NAV3: variants seen among roughly 807,000 people sequenced by gnomAD.
NAV3 encodes the protein pore membrane and/or filament interacting like protein 1.
Under a neutral mutation model 244.7 loss-of-function variants are expected in NAV3, and 87 were observed. That is an observed-to-expected ratio of 0.36 (90% confidence interval 0.30 to 0.42). NAV3 has a LOEUF of 0.42. NAV3 is among the 20% of genes least tolerant of loss of function. The pLI is 1.00. For missense variants in NAV3, 2,663 were observed against 2,893.3 expected (o/e 0.92, Z 1.83); for synonymous variants, 1,126 against 1,042.2 (o/e 1.08, Z -1.55).
chr12:77,965,536 T>A (rs1433434878), intron 3 of NAV3, among the ~76,000 whole-genome samples: 6 of 152,146 alleles, frequency 3.9e-5, no homozygotes. Context: ...GGAGAATCGC[T>A]TGAACCCGAG....
intron 9 of NAV3, among the ~76,000 whole-genome samples, chr12:78,033,925 T>C (rs1879417525): frequency 6.6e-6 from 1 of 152,162 alleles, no homozygotes; most frequent in African/African-American, 2.4e-5. Context: ...TCTTTTCCTT[T>C]GGTCATAAAA....
chr12:77,615,970 G>C (rs1328595158), intron 2 of NAV3, among the ~76,000 whole-genome samples: 1 of 152,126 alleles, frequency 6.6e-6, no homozygotes, highest in Non-Finnish European at 1.5e-5. Flanking sequence ...TAAAGCATCA[G>C]TGATTTCACT....
At chr12:77,872,875 T>G (rs1405547489) in intron 1 of NAV3, among the ~76,000 whole-genome samples, 2 of 152,116 alleles carry the variant, frequency 1.3e-5, no homozygotes, top group Non-Finnish European at 2.9e-5. Flanking sequence ...TAGAAAAAAG[T>G]TTTTACAAAC....
chr12:77,968,725 G>T, intron 5 of NAV3, 23 bp downstream of exon 5: 1 of 1,601,260 alleles, frequency 6.2e-7, no homozygotes, highest in Non-Finnish European at 8.5e-7. Context: ...AGTAGGGAAT[G>T]TGTTTCCAAT....
chr12:78,195,546 G>T (rs1035634113), intron 34 of NAV3, among the ~76,000 whole-genome samples: 1 of 151,962 alleles, frequency 6.6e-6, no homozygotes, highest in African/African-American at 2.4e-5. Flanking sequence ...GTTTCTGAAA[G>T]ACAGAAATTA....
chr12:78,202,644 C>G (rs983785495), intron 38 of NAV3, among the ~76,000 whole-genome samples: 1 of 151,942 alleles, frequency 6.6e-6, no homozygotes, highest in Admixed American at 6.6e-5. Flanking sequence ...TGTCTCATTT[C>G]TTGCTATGGT....
At chr12:77,704,070 G>C (rs1310319271) in intron 2 of NAV3, among the ~76,000 whole-genome samples, 1 of 152,130 alleles carries the variant, frequency 6.6e-6, no homozygotes, top group Non-Finnish European at 1.5e-5. Context: ...CTGAGCCATA[G>C]AATATTAATT....
chr12:77,976,350 C>T (rs1232075572), intron 5 of NAV3, among the ~76,000 whole-genome samples: 1 of 152,086 alleles, frequency 6.6e-6, no homozygotes, highest in Non-Finnish European at 1.5e-5. Flanking sequence ...GATTAAGTCA[C>T]CAAAATCTGT....
At chr12:77,782,588 T>C (rs1565812155) in intron 2 of NAV3, among the ~76,000 whole-genome samples, 4 of 152,202 alleles carry the variant, frequency 2.6e-5, no homozygotes, top group Non-Finnish European at 4.4e-5. Context: ...GCAAACAGCC[T>C]GTACACTGGT....
intron 1 of NAV3, among the ~76,000 whole-genome samples, chr12:77,884,201 T>C (rs932143156): frequency 2.6e-5 from 4 of 152,054 alleles, no homozygotes; most frequent in Non-Finnish European, 4.4e-5. Flanking sequence ...ACCAGTAGAA[T>C]TGATGGATGG....
chr12:77,709,334 A>G (rs1592604808), intron 2 of NAV3, among the ~76,000 whole-genome samples: 1 of 152,186 alleles, frequency 6.6e-6, no homozygotes, highest in Admixed American at 6.5e-5. Flanking sequence ...TGACAAACCC[A>G]CAGCCAATAT....
At chr12:78,161,775 T>C (rs1350799520) in intron 23 of NAV3, among the ~76,000 whole-genome samples, 1 of 152,162 alleles carries the variant, frequency 6.6e-6, no homozygotes, top group Non-Finnish European at 1.5e-5. Context: ...ACTAGTTTAT[T>C]AATTTGAGAT....
chr12:78,055,224 AC>A, intron 11 of NAV3, among the ~76,000 whole-genome samples: 1 of 566 alleles, frequency 1.8e-3, no homozygotes, highest in African/African-American at 2.6e-3. Flanking sequence ...TGTAATATGC[AC>A]ACATATGTGT....
intron 7 of NAV3, among the ~76,000 whole-genome samples, chr12:78,004,140 T>C (rs1873797279): frequency 6.6e-6 from 1 of 152,366 alleles, no homozygotes; most frequent in East Asian, 1.9e-4. Context: ...GCCATATGTA[T>C]GATTGAAAAC....
chr12:77,801,537 A>G (rs1871704607), intron 2 of NAV3, among the ~76,000 whole-genome samples: 1 of 152,114 alleles, frequency 6.6e-6, no homozygotes, highest in South Asian at 2.1e-4. Context: ...ATTTTCAGAG[A>G]TGTGCAAAGT....
chr12:77,654,115 G>T (rs918539000), intron 2 of NAV3, among the ~76,000 whole-genome samples: 3 of 152,138 alleles, frequency 2.0e-5, no homozygotes, highest in African/African-American at 7.2e-5. Context: ...AGGTCAGTGG[G>T]TGCACGCACC....
intron 2 of NAV3, among the ~76,000 whole-genome samples, chr12:77,819,971 T>C (rs932057295): frequency 1.3e-5 from 2 of 152,070 alleles, no homozygotes; most frequent in Non-Finnish European, 2.9e-5. Context: ...CTTGAGACTA[T>C]GATAATATGG....
chr12:77,922,293 T>C (rs1054217580), intron 1 of NAV3, among the ~76,000 whole-genome samples: 1 of 152,136 alleles, frequency 6.6e-6, no homozygotes, highest in African/African-American at 2.4e-5. Context: ...GTTTGTCTGT[T>C]TGTTTGTTTA....
At chr12:77,672,562 G>T (rs1490857768) in intron 2 of NAV3, among the ~76,000 whole-genome samples, 2 of 152,052 alleles carry the variant, frequency 1.3e-5, no homozygotes, top group Non-Finnish European at 2.9e-5. Flanking sequence ...GTGTGTGTGT[G>T]TGTATATATG....
Sources: gnomAD v4.1 joint callset for allele counts (sites outside exome capture counted in the v4.1 genomes callset) on GRCh38, gnomAD v4.1.1 for gene constraint, MANE v1.5 for transcripts, NCBI Gene and HGNC (gene_info 2026-07-23, HGNC 2026-07-21) for gene names.